UQCC1: variants seen among roughly 807,000 people sequenced by gnomAD.
UQCC1 encodes bFGF-repressed Zic-binding protein.
Under a neutral mutation model 48.0 loss-of-function variants are expected in UQCC1, and 38 were observed. That is an observed-to-expected ratio of 0.79 (90% CI 0.61 to 1.04). UQCC1 has a LOEUF of 1.04. Ranked by LOEUF, UQCC1 falls within the 50% of genes least tolerant of loss-of-function variation. The probability of loss-of-function intolerance (pLI) is 0.00; values close to 1 mark genes in which losing one functional copy is unlikely to be tolerated. For missense variants in UQCC1, 368 were observed against 381.8 expected (o/e 0.96, Z 0.30); for synonymous variants, 111 against 129.2 (o/e 0.86, Z 0.95).
At chr20:35,327,266 G>A (rs2061205803) in intron 7 of UQCC1, among the ~76,000 whole-genome samples, 1 of 152,188 alleles carries the variant, frequency 6.6e-6, no homozygotes, top group Non-Finnish European at 1.5e-5. Flanking sequence ...GCTCAAAACA[G>A]TAAAGCAGAC....
chr20:35,322,044 T>C (rs1203105841), intron 7 of UQCC1, among the ~76,000 whole-genome samples: 1 of 152,194 alleles, frequency 6.6e-6, no homozygotes, highest in Non-Finnish European at 1.5e-5. Flanking sequence ...CAAACTACCA[T>C]GGCAATTTAA....
chr20:35,405,521 C>T (rs369073104), intron 1 of UQCC1, among the ~76,000 whole-genome samples: 8 of 152,298 alleles, frequency 5.3e-5, no homozygotes, highest in African/African-American at 1.9e-4. Flanking sequence ...TAAGAAAACC[C>T]AGGCAGCAGA....
At chr20:35,341,162 A>C (rs563026308) in intron 7 of UQCC1, among the ~76,000 whole-genome samples, 1 of 149,740 alleles carries the variant, frequency 6.7e-6, no homozygotes, top group East Asian at 2.0e-4. Flanking sequence ...CAGAGGTTGC[A>C]GTGAGCCAAG....
rs1052848438 is a variant in UQCC1, at chr20:35,329,906, A to G, written c.574-15141T>C. On this transcript the variant is annotated intron_variant, in intron 7 of 9. Transcript: ENST00000374385. ...TACAGAAAACTCTGGTTAAAATGCAAGAGTTATCTGGGACCATTAAAACAG... is the reference window on the plus strand; with the variant it reads ...TACAGAAAACTCTGGTTAAAATGCAGGAGTTATCTGGGACCATTAAAACAG... Among the ~76,000 whole-genome samples the G allele has an allele frequency of 2.0e-5, 3 of 152,242 alleles. No homozygotes were observed. The East Asian group carries it at 5.8e-4, about 29-fold the overall frequency.
At chr20:35,368,961 T>C (rs1453707393) in intron 5 of UQCC1, among the ~76,000 whole-genome samples, 1 of 152,154 alleles carries the variant, frequency 6.6e-6, no homozygotes, top group Non-Finnish European at 1.5e-5. Context: ...TGAAGTTGGG[T>C]CTTTTTTGGA....
At chr20:35,379,367 G>C (rs781553584) in intron 4 of UQCC1, among the ~76,000 whole-genome samples, 9 of 152,176 alleles carry the variant, frequency 5.9e-5, no homozygotes, top group Non-Finnish European at 1.3e-4. Context: ...TTTTGCCAGT[G>C]CAATCCAATA....
chr20:35,395,066 T>C (rs896549191), intron 1 of UQCC1, among the ~76,000 whole-genome samples: 1 of 152,008 alleles, frequency 6.6e-6, no homozygotes, highest in Non-Finnish European at 1.5e-5. Flanking sequence ...GAGCTTGCTC[T>C]CCGGGTGTGC....
chr20:35,384,409 G>C (rs2061912566), intron 2 of UQCC1: 2 of 347,472 alleles, frequency 5.8e-6, no homozygotes, highest in Non-Finnish European at 1.1e-5. Flanking sequence ...GGGAGGTCAA[G>C]GTGAGAGGAT....
intron 7 of UQCC1, among the ~76,000 whole-genome samples, chr20:35,315,931 G>T (rs913861481): frequency 6.6e-6 from 1 of 152,108 alleles, no homozygotes; most frequent in African/African-American, 2.4e-5. Flanking sequence ...CAATTCTGGT[G>T]AGATGGTTGA....
At chr20:35,381,644 T>C (rs1253468639) in intron 4 of UQCC1, among the ~76,000 whole-genome samples, 1 of 152,194 alleles carries the variant, frequency 6.6e-6, no homozygotes, top group African/African-American at 2.4e-5. Flanking sequence ...GGTCCTCCTC[T>C]ATTGGAGAAG....
chr20:35,378,360 T>A (rs1325643713), intron 4 of UQCC1, among the ~76,000 whole-genome samples: 1 of 152,118 alleles, frequency 6.6e-6, no homozygotes, highest in East Asian at 1.9e-4. Flanking sequence ...ATGCCTGTAA[T>A]CCCAGCACTT....
At chr20:35,356,555 A>AT (rs2061549363) in intron 6 of UQCC1, among the ~76,000 whole-genome samples, 1 of 151,736 alleles carries the variant, frequency 6.6e-6, no homozygotes, top group Non-Finnish European at 1.5e-5. Flanking sequence ...ATTTTTCCTA[A>AT]TTTTTACAAC....
intron 8 of UQCC1, among the ~76,000 whole-genome samples, chr20:35,308,584 A>G (rs1039721482): frequency 1.6e-4 from 25 of 152,394 alleles, no homozygotes; most frequent in Admixed American, 3.3e-4. Context: ...CAGAAGGAAA[A>G]GGATGACTCA....
intron 7 of UQCC1, among the ~76,000 whole-genome samples, chr20:35,338,876 A>ATAT (rs1417579425): frequency 1.9e-4 from 11 of 58,510 alleles, no homozygotes; most frequent in Non-Finnish European, 2.8e-4. Context: ...AAAAAAAAAA[A>ATAT]AAAAAAAAAA....
Position 35,382,041 on chromosome 20 carries a change from G to GA in UQCC1, c.226-17dup, listed in dbSNP as rs768672503. ...TAGTAGAAAGCTGATTAACCAAAAA[G>GA]AAAAAAACTAAAATTAGTTGCAAAA... is the stretch of plus-strand genomic sequence containing the variant. On this transcript the variant is annotated splice_polypyrimidine_tract_variant and intron_variant, in intron 3 of 9. Coordinates refer to ENST00000374385, the MANE Select transcript of UQCC1 (RefSeq NM_018244.5). The GA allele has an allele frequency of 1.8e-5, 27 of 1,542,788 alleles. No homozygotes were observed. The highest frequency in any genetic ancestry group is 2.4e-5 in the South Asian group (2 of 84,768).
intron 7 of UQCC1, chr20:35,344,696 T>C (rs937800840): frequency 1.3e-5 from 2 of 152,326 alleles, no homozygotes; most frequent in African/African-American, 4.8e-5. Flanking sequence ...TGGGCAGCTG[T>C]GATATTGTGA....
chr20:35,379,520 T>C (rs558665306), intron 4 of UQCC1, among the ~76,000 whole-genome samples: 1 of 152,310 alleles, frequency 6.6e-6, no homozygotes, highest in East Asian at 1.9e-4. Context: ...ATGAAGGTTA[T>C]AGGCTGGGCG....
chr20:35,355,085 A>G (rs368034805), intron 6 of UQCC1, among the ~76,000 whole-genome samples: 1 of 152,156 alleles, frequency 6.6e-6, no homozygotes, highest in African/African-American at 2.4e-5. Flanking sequence ...TGGGATGTGG[A>G]AGGAAACAGG....
chr20:35,327,975 G>A (rs2061214331), intron 7 of UQCC1, among the ~76,000 whole-genome samples: 1 of 150,288 alleles, frequency 6.7e-6, no homozygotes, highest in African/African-American at 2.5e-5. Context: ...CAATCCAGCC[G>A]GGGCAACAGA....
Sources: gnomAD v4.1 joint callset for allele counts (sites outside exome capture counted in the v4.1 genomes callset) on GRCh38, gnomAD v4.1.1 for gene constraint, MANE v1.5 for transcripts, NCBI Gene and HGNC (gene_info 2026-07-23, HGNC 2026-07-21) for gene names.